The following ACACB variants were observed in gnomAD, a reference collection of about 807,000 sequenced individuals.
ACACB encodes the protein acetyl-CoA carboxylase 2.
Under a neutral mutation model 278.8 loss-of-function variants are expected in ACACB, and 209 were observed. The observed-to-expected ratio is 0.75, with a 90% CI of 0.67 to 0.84. The LOEUF (loss-of-function observed/expected upper bound fraction) is 0.84. Among genes scored for constraint, ACACB ranks in the 40% least tolerant of loss-of-function variants. The pLI, the probability that ACACB is intolerant of heterozygous loss-of-function variation, is 0.00. For missense variants in ACACB, 2,850 were observed against 3,269.0 expected, an observed-to-expected ratio of 0.87 and a Z score of 3.13; for synonymous variants, 1,174 against 1,285.6, an observed-to-expected ratio of 0.91 and a Z score of 1.86.
upstream of ACACB, among the ~76,000 whole-genome samples, chr12:109,116,316 G>T (rs1407111267): frequency 6.6e-6 from 1 of 152,160 alleles, no homozygotes; most frequent in African/African-American, 2.4e-5. Context: ...TCACAGGAGG[G>T]CCCAGATGAC....
chr12:109,241,989 A>T (rs540853194), intron 36 of ACACB: 1 of 155,044 alleles, frequency 6.4e-6, no homozygotes, highest in Admixed American at 6.3e-5. Context: ...AAGACTGAAG[A>T]CTCTCAAGCA....
In ACACB at chr12:109,140,057, A is replaced by T; in HGVS notation, c.652A>T (p.Arg218Trp). 2.5e-6 allele frequency: 4 copies of T among 1,582,896 alleles called. No individual in the cohort carries two copies. The South Asian group carries it at 4.6e-5, about 18-fold the overall frequency. Residue 218 changes from arginine to tryptophan, a missense_variant and splice_region_variant, in exon 2 of 53, where the codon AGG (arginine) becomes TGG (tryptophan). This residue lies in a region of ACACB where 2,265 missense variants were observed against 2,561.3 expected (regional missense o/e 0.88). Transcript: ENST00000338432. ...AGCTGAGACCCGCGTCCCCACTATGAGGTAATGTGCATTTTCTCCTTGTAA... is the reference window on the plus strand; with the variant it reads ...AGCTGAGACCCGCGTCCCCACTATGTGGTAATGTGCATTTTCTCCTTGTAA... ...GEAETRVPTM[R>W]PSMSGLHLVK...
rs76447919 is a variant in ACACB, at chr12:109,254,256, A to G, written c.6088A>G (p.Ile2030Val). ...CCCTATCATCACACCCACTGACCCC[A>G]TTGACAGAGAAATTGAATTCCTCCC... The part of the protein sequence containing the change: ...PVPIITPTDP[I>V]DREIEFLPSR... Residue 2030 changes from isoleucine (I) to valine (V), a missense_variant, in exon 44 of 53, where the codon ATT becomes GTT. Ile to Val is a conservative substitution (Grantham distance 29). Around this residue, in one of 3 missense-constraint regions of ACACB, gnomAD observed 579 missense variants for 684.6 expected, o/e 0.85. Coordinates refer to ENST00000338432, the MANE Select transcript of ACACB (RefSeq NM_001093.4). 628 of 1,613,812 alleles carry G rather than the reference A, an allele frequency of 3.9e-4. 2 individuals are homozygous for G. The African/African-American group carries it at 7.4e-3, about 19-fold the overall frequency.
At chr12:109,128,055 A>G (rs2042724908) in intron 1 of ACACB, among the ~76,000 whole-genome samples, 1 of 152,132 alleles carries the variant, frequency 6.6e-6, no homozygotes, top group Admixed American at 6.6e-5. Flanking sequence ...CCCAGTGCAG[A>G]TGCTCTTTAC....
chr12:109,191,215 C>CTTTTTTTCT (rs2044865707), intron 13 of ACACB, among the ~76,000 whole-genome samples: 1 of 137,092 alleles, frequency 7.3e-6, no homozygotes, highest in Non-Finnish European at 1.6e-5. Context: ...CTTAACTCTT[C>CTTTTTTTCT]TTTTTTTTTT....
At chr12:109,197,275 A>C in intron 17 of ACACB, 122 bp downstream of exon 17, 1 of 1,231,564 alleles carries the variant, frequency 8.1e-7, no homozygotes, top group Non-Finnish European at 1.1e-6. Flanking sequence ...CCTTTCTGGT[A>C]AATTCTGGGG....
intron 34 of ACACB, among the ~76,000 whole-genome samples, chr12:109,238,978 G>A (rs768691886): frequency 3.3e-5 from 5 of 152,048 alleles, no homozygotes; most frequent in African/African-American, 9.7e-5. Flanking sequence ...GTGCAGTGGC[G>A]TGATCTTGGC....
intron 13 of ACACB, among the ~76,000 whole-genome samples, chr12:109,189,386 G>A (rs895839334): frequency 6.6e-6 from 1 of 152,176 alleles, no homozygotes; most frequent in Non-Finnish European, 1.5e-5. Context: ...CTTAATAGGA[G>A]TAGGCGGAAG....
chr12:109,256,755 G>C (rs1045451543), intron 45 of ACACB, among the ~76,000 whole-genome samples: 2 of 152,142 alleles, frequency 1.3e-5, no homozygotes, highest in African/African-American at 4.8e-5. Flanking sequence ...TTCCTGGTAC[G>C]ATGTCGCAGC....
At chr12:109,188,301 A>G in intron 13 of ACACB, 139 bp downstream of exon 13, 1 of 879,076 alleles carries the variant, frequency 1.1e-6, no homozygotes, top group Non-Finnish European at 1.6e-6. Flanking sequence ...CCTCCCTCTC[A>G]GCCTTTCTCC....
At chr12:109,222,192 CTAATCACTGGCT>C (rs2046187268) in intron 24 of ACACB, among the ~76,000 whole-genome samples, 1 of 152,098 alleles carries the variant, frequency 6.6e-6, no homozygotes, top group Non-Finnish European at 1.5e-5. Context: ...CATGCCTGGC[CTAATCACTGGCT>C]ATTAATAGTA....
intron 38 of ACACB, 58 bp from the exon 39 acceptor site, chr12:109,246,119 TAA>T (rs2046934879): frequency 1.3e-6 from 2 of 1,531,888 alleles, no homozygotes; most frequent in Non-Finnish European, 1.8e-6. Context: ...TAAAATAAAA[TAA>T]AAAGTTTTCC....
chr12:109,203,104 A>G (rs955010787), intron 19 of ACACB, among the ~76,000 whole-genome samples: 1 of 152,200 alleles, frequency 6.6e-6, no homozygotes, highest in Non-Finnish European at 1.5e-5. Flanking sequence ...GGTGGAATCT[A>G]TATAGTATCT....
At chr12:109,147,599 C>T (rs1453956253) in intron 2 of ACACB, among the ~76,000 whole-genome samples, 1 of 151,930 alleles carries the variant, frequency 6.6e-6, no homozygotes, top group Non-Finnish European at 1.5e-5. Flanking sequence ...TTACCTGTCT[C>T]CCTACACTGG....
At chr12:109,170,425 G>A (rs574805483) in intron 4 of ACACB, among the ~76,000 whole-genome samples, 2 of 152,224 alleles carry the variant, frequency 1.3e-5, no homozygotes, top group East Asian at 3.9e-4. Context: ...AAGAGCATGA[G>A]TATTTTAAAA....
chr12:109,201,559 C>T lies in ACACB; in HGVS notation c.2779-8C>T, dbSNP rs372101078. The T allele has an allele frequency of 9.9e-6, 16 of 1,613,678 alleles. No homozygotes were observed. Among genetic ancestry groups the T allele is most frequent in the Middle Eastern group, 1.6e-4 (1 of 6,082 alleles). On this transcript the variant is annotated splice_region_variant and splice_polypyrimidine_tract_variant and intron_variant, in intron 18 of 52. Coordinates refer to ENST00000338432, the MANE Select transcript of ACACB (RefSeq NM_001093.4). ...GGCTCTGTACTATTTCTTCTTTTTA[C>T]GAAATAGGTGATGAAGATGATCATG...
intron 24 of ACACB, among the ~76,000 whole-genome samples, chr12:109,218,061 T>C (rs968302432): frequency 2.0e-5 from 3 of 152,220 alleles, no homozygotes; most frequent in African/African-American, 7.2e-5. Flanking sequence ...AGAGCCAGGA[T>C]TTGAACCAAT....
In ACACB at chr12:109,139,968, C is replaced by T; in HGVS notation, c.563C>T (p.Thr188Ile). The part of the protein sequence containing the change: ...DSVAGSSRES[T>I]RKGSRASLGA... ...GTTGCTGGCTCATCTCGTGAGTCTA[C>T]CCGGAAGGGCAGCCGGGCCAGCTTG... is the stretch of plus-strand genomic sequence containing the variant. The change falls in exon 2 of 53, where the codon ACC (threonine) becomes ATC (isoleucine). Residue 188 changes from threonine (T) to isoleucine (I), a missense_variant. This residue lies in a region of ACACB where 2,265 missense variants were observed against 2,561.3 expected (regional missense o/e 0.88). Transcript: ENST00000338432. 1 of 1,614,010 alleles carries T rather than the reference C, an allele frequency of 6.2e-7. No individual in the cohort carries two copies. The highest frequency in any genetic ancestry group is 8.5e-7 in the Non-Finnish European group (1 of 1,180,036).
rs755091102 is a variant in ACACB at position 109,227,441 on chromosome 12, C to A, written c.3953C>A (p.Thr1318Asn). 6.2e-7 allele frequency: 1 copy of A among 1,613,992 alleles called. No individual in the cohort carries two copies. Among genetic ancestry groups the A allele is most frequent in the South Asian group, 1.1e-5 (1 of 91,046 alleles). Residue 1318 changes from threonine to asparagine, a missense_variant, in exon 28 of 53, where the codon ACC becomes AAC. Physicochemically the swap from Thr to Asn is moderately conservative, Grantham distance 65. This residue lies in a region of ACACB where 2,265 missense variants were observed against 2,561.3 expected (regional missense o/e 0.88). Coordinates refer to ENST00000338432, the MANE Select transcript of ACACB (RefSeq NM_001093.4). ...SLQHRQLPDG[T>N]CVVEFQFMLP... ...CAGCACCGGCAGCTCCCGGACGGCA[C>A]CTGCGTGGTAGAATTCCAGTTCATG...
Sources: gnomAD v4.1 joint callset for allele counts (sites outside exome capture counted in the v4.1 genomes callset) on GRCh38, gnomAD v4.1.1 for gene constraint, gnomAD v4.1.1 regional missense constraint, MANE v1.5 for transcripts, NCBI Gene and HGNC (gene_info 2026-07-23, HGNC 2026-07-21) for gene names.